SHISA6: variants seen among roughly 807,000 people sequenced by gnomAD.
SHISA6 encodes shisa family member 6.
A neutral mutation model predicts 47.9 loss-of-function variants in SHISA6; 22 were observed. That is an observed-to-expected ratio of 0.46 (90% CI 0.33 to 0.66). SHISA6 has a LOEUF of 0.66. Among genes scored for constraint, SHISA6 ranks in the 30% least tolerant of loss-of-function variants. The pLI is 0.02. For missense variants in SHISA6, 680 were observed against 764.6 expected, an observed-to-expected ratio of 0.89 and a Z score of 1.30; for synonymous variants, 388 against 337.8, an observed-to-expected ratio of 1.15 and a Z score of -1.63.
At chr17:11,297,381 C>G (rs1373571325) in intron 2 of SHISA6, among the ~76,000 whole-genome samples, 1 of 152,148 alleles carries the variant, frequency 6.6e-6, no homozygotes. Context: ...TGTTCTAGAA[C>G]TGGAATGATC....
Position 11,558,080 on chromosome 17 carries a change from A to C in SHISA6, c.1432A>C (p.Thr478Pro). 1.3e-6 allele frequency: 2 copies of C among 1,551,626 alleles called. No homozygotes were observed. The highest frequency in any genetic ancestry group is 1.7e-6 in the Non-Finnish European group (2 of 1,146,994). ...EQSLSRAISH[T>P]DVFVSTPVLD... Reference sequence around the variant, plus strand: ...GTCGCTGTCCAGGGCCATCTCGCACACGGACGTCTTTGTGTCCACACCCGT... The same window carrying C: ...GTCGCTGTCCAGGGCCATCTCGCACCCGGACGTCTTTGTGTCCACACCCGT... The change falls in exon 6 of 6, where the codon ACG (threonine) becomes CCG (proline). Residue 478 changes from threonine to proline, a missense_variant. Transcript: ENST00000441885.
At chr17:11,437,125 GATTGC>G (rs1567605776) in intron 3 of SHISA6, among the ~76,000 whole-genome samples, 1 of 152,172 alleles carries the variant, frequency 6.6e-6, no homozygotes, top group Non-Finnish European at 1.5e-5. Context: ...GATAATATAG[GATTGC>G]ATTGCCAAGG....
intron 2 of SHISA6, among the ~76,000 whole-genome samples, chr17:11,317,697 T>TGAA (rs1910571633): frequency 6.6e-6 from 1 of 152,010 alleles, no homozygotes; most frequent in Non-Finnish European, 1.5e-5. Flanking sequence ...CTCCCTCCGT[T>TGAA]CTTTCCTTCT....
Position 11,558,483 on chromosome 17 carries a change from G to A in SHISA6, c.*179G>A, listed in dbSNP as rs750886125. The A allele has an allele frequency of 3.6e-5, 24 of 660,968 alleles. No homozygotes were observed. Among genetic ancestry groups the A allele is most frequent in the Middle Eastern group, 4.2e-4 (1 of 2,402 alleles). 40.9% of individuals were successfully genotyped at this position (660,968 alleles called of 1,614,324 possible). On this transcript the variant is annotated 3_prime_UTR_variant, in exon 6 of 6. Transcript: ENST00000441885. ...CCGGGGACACAGCCCCGATGGCCTGGTCCAATACACTTAGACCCAGGACCA... is the reference window on the plus strand; with the variant it reads ...CCGGGGACACAGCCCCGATGGCCTGATCCAATACACTTAGACCCAGGACCA...
chr17:11,390,114 C>G (rs1453638764), intron 3 of SHISA6, among the ~76,000 whole-genome samples: 1 of 152,170 alleles, frequency 6.6e-6, no homozygotes, highest in East Asian at 1.9e-4. Flanking sequence ...GCCTCTCTTG[C>G]CTAGAATCAT....
chr17:11,423,333 A>AGAT (rs1914513177), intron 3 of SHISA6, among the ~76,000 whole-genome samples: 1 of 13,978 alleles, frequency 7.2e-5, no homozygotes, highest in Admixed American at 6.1e-4. Context: ...ATATATAGAT[A>AGAT]GATAGATAGA....
intron 3 of SHISA6, among the ~76,000 whole-genome samples, chr17:11,504,318 C>T (rs566209871): frequency 5.5e-4 from 84 of 152,218 alleles, no homozygotes; most frequent in Non-Finnish European, 1.1e-3. Flanking sequence ...AGCTCCATGG[C>T]CCCAATCTTT....
chr17:11,368,622 T>C (rs1472477452), intron 2 of SHISA6, among the ~76,000 whole-genome samples: 1 of 152,070 alleles, frequency 6.6e-6, no homozygotes, highest in Non-Finnish European at 1.5e-5. Context: ...TTTATATGAA[T>C]TGTTGGGGTT....
intron 3 of SHISA6, among the ~76,000 whole-genome samples, chr17:11,516,448 A>G (rs2142359272): frequency 6.6e-6 from 1 of 152,332 alleles, no homozygotes; most frequent in East Asian, 1.9e-4. Context: ...GGGCAGAATA[A>G]AGATTAGATT....
At chr17:11,557,084 G>A (rs1338801250) in intron 5 of SHISA6, among the ~76,000 whole-genome samples, 1 of 152,232 alleles carries the variant, frequency 6.6e-6, no homozygotes, top group Non-Finnish European at 1.5e-5. Context: ...TGGAGTGTGT[G>A]TAGGCTGATT....
intron 3 of SHISA6, among the ~76,000 whole-genome samples, chr17:11,460,538 C>G (rs1469546340): frequency 6.6e-6 from 1 of 152,132 alleles, no homozygotes; most frequent in Non-Finnish European, 1.5e-5. Context: ...ATTACAGGCA[C>G]CCACCACCAT....
At chr17:11,414,472 C>A (rs1216800366) in intron 3 of SHISA6, among the ~76,000 whole-genome samples, 1 of 152,158 alleles carries the variant, frequency 6.6e-6, no homozygotes, top group African/African-American at 2.4e-5. Flanking sequence ...AACTATGCTT[C>A]TATTCTTTCC....
At chr17:11,423,823 TA>T (rs1008144857) in intron 3 of SHISA6, among the ~76,000 whole-genome samples, 2 of 129,844 alleles carry the variant, frequency 1.5e-5, no homozygotes, top group Non-Finnish European at 3.3e-5. Context: ...AAGCTATTAA[TA>T]AAAAAATGAA....
chr17:11,398,375 G>T (rs900976964), intron 3 of SHISA6, among the ~76,000 whole-genome samples: 2 of 151,932 alleles, frequency 1.3e-5, no homozygotes, highest in Non-Finnish European at 2.9e-5. Context: ...GTCCTCTTTC[G>T]TCTTACAGGA....
intron 3 of SHISA6, among the ~76,000 whole-genome samples, chr17:11,427,124 T>C (rs1359057418): frequency 1.3e-5 from 2 of 152,018 alleles, no homozygotes; most frequent in Admixed American, 6.6e-5. Context: ...CTCTTTCGTA[T>C]GTTTGTTGTT....
At chr17:11,448,806 A>G (rs901470834) in intron 3 of SHISA6, among the ~76,000 whole-genome samples, 1 of 151,266 alleles carries the variant, frequency 6.6e-6, no homozygotes, top group African/African-American at 2.4e-5. Flanking sequence ...AGCCTGGGTG[A>G]CAAGAGCAAA....
At chr17:11,271,034 C>G (rs1908626305) in intron 2 of SHISA6, among the ~76,000 whole-genome samples, 1 of 152,024 alleles carries the variant, frequency 6.6e-6, no homozygotes, top group Non-Finnish European at 1.5e-5. Context: ...CTCTAGGGTG[C>G]AAATGGAGAG....
chr17:11,445,224 G>A (rs1223841343), intron 3 of SHISA6, among the ~76,000 whole-genome samples: 1 of 152,102 alleles, frequency 6.6e-6, no homozygotes, highest in South Asian at 2.1e-4. Context: ...TATGAGGGCC[G>A]TAATTCATTT....
chr17:11,502,588 A>C (rs2071464201), intron 3 of SHISA6, among the ~76,000 whole-genome samples: 1 of 143,784 alleles, frequency 7.0e-6, no homozygotes. Flanking sequence ...TTAGCCACGC[A>C]TGGTGGTGTG....
Sources: gnomAD v4.1 joint callset for allele counts (sites outside exome capture counted in the v4.1 genomes callset) on GRCh38, gnomAD v4.1.1 for gene constraint, MANE v1.5 for transcripts, NCBI Gene and HGNC (gene_info 2026-07-23, HGNC 2026-07-21) for gene names.